Variants in ADAMTS20 observed in about 807,000 individuals in gnomAD.
ADAMTS20 encodes the protein A disintegrin and metalloproteinase with thrombospondin motifs 20.
In ADAMTS20, 225 loss-of-function variants were observed where a neutral mutation model predicts 260.1. The ratio of observed to expected loss-of-function variants is 0.87; its 90% CI spans 0.78 to 0.97. ADAMTS20 has a LOEUF of 0.97. Ranked by LOEUF, ADAMTS20 falls within the 50% of genes least tolerant of loss-of-function variation. The probability of loss-of-function intolerance (pLI) is 0.00; values close to 1 mark genes in which losing one functional copy is unlikely to be tolerated. For missense variants in ADAMTS20, 2,400 were observed against 2,337.7 expected (o/e 1.03, Z -0.55); for synonymous variants, 802 against 769.5 (o/e 1.04, Z -0.70).
intron 15 of ADAMTS20, among the ~76,000 whole-genome samples, chr12:43,445,982 T>C (rs1941752947): frequency 6.6e-6 from 1 of 152,178 alleles, no homozygotes; most frequent in Admixed American, 6.6e-5. Context: ...GAAAATACTT[T>C]ACATAGTCTC....
chr12:43,364,849 TA>T (rs1939949040), intron 37 of ADAMTS20, among the ~76,000 whole-genome samples: 1 of 152,090 alleles, frequency 6.6e-6, no homozygotes, highest in Non-Finnish European at 1.5e-5. Flanking sequence ...TGGTATATAT[TA>T]AAATAATGAC....
Position 43,551,688 on chromosome 12 carries a change from G to A in ADAMTS20, c.91+143C>T, listed in dbSNP as rs921485671. Reference sequence around the variant, plus strand: ...AACCCGGCGCAGTCGCGACCTCTCCGGCTGACTGGTCCGGGAGTCCCGGGA... The same window carrying A: ...AACCCGGCGCAGTCGCGACCTCTCCAGCTGACTGGTCCGGGAGTCCCGGGA... On this transcript the variant is annotated intron_variant, in intron 1 of 38. Coordinates refer to ENST00000389420, the MANE Select transcript of ADAMTS20 (RefSeq NM_025003.5). The surrounding 1 kb of genome is among the most constrained non-coding windows in gnomAD (Gnocchi z 4.6). The A allele has an allele frequency of 1.0e-5, 9 of 864,502 alleles. No individual in the cohort carries two copies. Among genetic ancestry groups the A allele is most frequent in the East Asian group, 2.6e-5 (1 of 37,896 alleles). 53.6% of individuals were successfully genotyped at this position (864,502 alleles called of 1,614,324 possible).
At chr12:43,463,343 T>C (rs1284490767) in intron 10 of ADAMTS20, among the ~76,000 whole-genome samples, 1 of 152,164 alleles carries the variant, frequency 6.6e-6, no homozygotes, top group Non-Finnish European at 1.5e-5. Flanking sequence ...TCATAAGAAT[T>C]TGCCAAAAGC....
chr12:43,452,062 TA>T (rs1941873631), intron 14 of ADAMTS20, among the ~76,000 whole-genome samples: 2 of 152,128 alleles, frequency 1.3e-5, no homozygotes, highest in African/African-American at 4.8e-5. Context: ...AAATTTATCT[TA>T]ATGCTTTGTT....
intron 3 of ADAMTS20, among the ~76,000 whole-genome samples, chr12:43,526,370 A>G (rs1036831980): frequency 6.6e-6 from 1 of 152,156 alleles, no homozygotes; most frequent in Admixed American, 6.5e-5. Context: ...AGGCAGGAGA[A>G]TGGTGTGAAC....
At chr12:43,488,024 G>GCTTATGTGTTATATGGT (rs1942548879) in intron 7 of ADAMTS20, among the ~76,000 whole-genome samples, 2 of 152,252 alleles carry the variant, frequency 1.3e-5, no homozygotes, top group African/African-American at 4.8e-5. Flanking sequence ...GATTATGAAT[G>GCTTATGTGTTATATGGT]TAATTTCACA....
chr12:43,457,889 T>C (rs183788591), intron 11 of ADAMTS20, among the ~76,000 whole-genome samples: 2 of 152,344 alleles, frequency 1.3e-5, no homozygotes, highest in African/African-American at 2.4e-5. Flanking sequence ...ATGAATCCAT[T>C]CAAATCTTTC....
intron 27 of ADAMTS20, 134 bp from the exon 28 acceptor site, chr12:43,425,824 G>T: frequency 1.8e-6 from 1 of 542,720 alleles, no homozygotes; most frequent in Non-Finnish European, 3.0e-6. Flanking sequence ...CTCTAGTAAT[G>T]TTACTCTAGT....
At chr12:43,375,258 T>C in intron 36 of ADAMTS20, 121 bp downstream of exon 36, 2 of 1,000,400 alleles carry the variant, frequency 2.0e-6, no homozygotes, top group Non-Finnish European at 2.8e-6. Flanking sequence ...AAAAAGTAAG[T>C]AATTTTTGCA....
chr12:43,548,467 G>C (rs1943469526), intron 2 of ADAMTS20, among the ~76,000 whole-genome samples: 1 of 152,158 alleles, frequency 6.6e-6, no homozygotes, highest in Non-Finnish European at 1.5e-5. Context: ...AAGACTAAAG[G>C]CTGATCTGAG....
chr12:43,434,611 C>T (rs144001703), intron 18 of ADAMTS20, among the ~76,000 whole-genome samples: 7 of 152,280 alleles, frequency 4.6e-5, no homozygotes, highest in African/African-American at 1.7e-4. Context: ...ATGGGACAGG[C>T]ATTGGAGTAA....
chr12:43,428,775 T>C lies in ADAMTS20; in HGVS notation c.3514A>G (p.Thr1172Ala), dbSNP rs1941385970. 1 of 1,607,494 alleles carries C rather than the reference T, an allele frequency of 6.2e-7. No homozygotes were observed. Among genetic ancestry groups the C allele is most frequent in the Non-Finnish European group, 8.5e-7 (1 of 1,175,818 alleles). The change falls in exon 25 of 39, where the codon ACT becomes GCT. Residue 1172 changes from threonine to alanine, a missense_variant. By Grantham distance (58) the Thr-to-Ala change is moderately conservative (BLOSUM62 0). Transcript: ENST00000389420. ...TPCSVSCGRG[T>A]QARYVSCRDA... is the part of the protein sequence containing the mutation. ...CGACAGCTTACATAGCGGGCTTGAGTACCTCTTCCACAAGATACGGAGCAC... is the reference window on the plus strand; with the variant it reads ...CGACAGCTTACATAGCGGGCTTGAGCACCTCTTCCACAAGATACGGAGCAC...
At chr12:43,510,956 CA>C (rs1942916235) in intron 3 of ADAMTS20, among the ~76,000 whole-genome samples, 1 of 152,078 alleles carries the variant, frequency 6.6e-6, no homozygotes, top group Admixed American at 6.6e-5. Flanking sequence ...TTCTCCCATA[CA>C]AAGTTTATCT....
chr12:43,527,738 A>T (rs942075605), intron 3 of ADAMTS20, among the ~76,000 whole-genome samples: 10 of 152,312 alleles, frequency 6.6e-5, no homozygotes, highest in South Asian at 4.1e-4. Flanking sequence ...ATCACACTGA[A>T]TGGGGAAAAG....
intron 36 of ADAMTS20, among the ~76,000 whole-genome samples, chr12:43,373,390 T>G (rs1189043758): frequency 1.3e-5 from 2 of 152,204 alleles, no homozygotes; most frequent in African/African-American, 4.8e-5. Flanking sequence ...CCAATATTTA[T>G]AGAGCATGTA....
chr12:43,388,322 C>T (rs1045554187), intron 29 of ADAMTS20, among the ~76,000 whole-genome samples: 20 of 152,170 alleles, frequency 1.3e-4, no homozygotes, highest in African/African-American at 4.6e-4. Context: ...AGGCAACATC[C>T]CGTCCTGCCT....
intron 16 of ADAMTS20, among the ~76,000 whole-genome samples, chr12:43,440,446 CCTTGTTTAA>C (rs1941641991): frequency 6.6e-6 from 1 of 152,030 alleles, no homozygotes; most frequent in African/African-American, 2.4e-5. Context: ...CCGCACCTGG[CCTTGTTTAA>C]CTTTTAAAGT....
At chr12:43,388,016 C>T (rs1592042389) in intron 29 of ADAMTS20, among the ~76,000 whole-genome samples, 1 of 152,074 alleles carries the variant, frequency 6.6e-6, no homozygotes, top group Non-Finnish European at 1.5e-5. Context: ...CTGGCTTCAG[C>T]CCCCTTTCCA....
intron 7 of ADAMTS20, among the ~76,000 whole-genome samples, chr12:43,489,190 A>G (rs1434373838): frequency 1.3e-5 from 2 of 148,270 alleles, no homozygotes; most frequent in East Asian, 3.8e-4. Context: ...AAAACAGGAT[A>G]ATATGTTTAG....
Sources: gnomAD v4.1 joint callset for allele counts (sites outside exome capture counted in the v4.1 genomes callset) on GRCh38, gnomAD v4.1.1 for gene constraint, Gnocchi (gnomAD v3.1) non-coding constraint, MANE v1.5 for transcripts, NCBI Gene and HGNC (gene_info 2026-07-23, HGNC 2026-07-21) for gene names.